TM2D1: variants seen among roughly 807,000 people sequenced by gnomAD.
The protein encoded by TM2D1 is TM2 domain containing 1, also known as TM2 domain-containing protein 1.
Under a neutral mutation model 28.4 loss-of-function variants are expected in TM2D1, and 15 were observed. The ratio of observed to expected loss-of-function variants is 0.53; its 90% confidence interval spans 0.35 to 0.81. The LOEUF (loss-of-function observed/expected upper bound fraction) is 0.81. TM2D1 is among the 40% of genes least tolerant of loss of function. The probability of loss-of-function intolerance (pLI) is 0.01; values close to 1 mark genes in which losing one functional copy is unlikely to be tolerated. For missense variants in TM2D1, 236 were observed against 254.9 expected (o/e 0.93, Z 0.50); for synonymous variants, 93 against 96.2 (o/e 0.97, Z 0.20).
chr1:61,684,504 A>C (rs1463586087), intron 5 of TM2D1, among the ~76,000 whole-genome samples: 1 of 152,220 alleles, frequency 6.6e-6, no homozygotes, highest in African/African-American at 2.4e-5. Flanking sequence ...CTGAAGTGCC[A>C]AACAAAGGGA....
intron 2 of TM2D1, among the ~76,000 whole-genome samples, chr1:61,717,499 G>C (rs1644530845): frequency 6.6e-6 from 1 of 152,168 alleles, no homozygotes; most frequent in Admixed American, 6.6e-5. Context: ...CAATGTCTAG[G>C]ATTTAGATAA....
At chr1:61,688,486 A>G (rs1644298969) in intron 5 of TM2D1, among the ~76,000 whole-genome samples, 1 of 152,160 alleles carries the variant, frequency 6.6e-6, no homozygotes, top group African/African-American at 2.4e-5. Context: ...GCACTTTGGG[A>G]GGCTGAGGCG....
chr1:61,683,206 C>T, intron 6 of TM2D1: 1 of 231,294 alleles, frequency 4.3e-6, no homozygotes, highest in Non-Finnish European at 8.3e-6. Flanking sequence ...TGTCCTTTAA[C>T]CATATGCACT....
At chr1:61,686,425 G>C (rs1362581332) in intron 5 of TM2D1, among the ~76,000 whole-genome samples, 1 of 152,172 alleles carries the variant, frequency 6.6e-6, no homozygotes, top group Non-Finnish European at 1.5e-5. Flanking sequence ...GGGAGGCCAA[G>C]GTGGGAGGAT....
intron 3 of TM2D1, 30 bp downstream of exon 3, chr1:61,709,299 T>A (rs6678289): frequency 1.1e-4 from 157 of 1,379,880 alleles, no homozygotes; most frequent in Non-Finnish European, 1.5e-4. Context: ...GCAAGTAATC[T>A]GAAAATTTAA....
At chr1:61,703,277 T>C (rs1265770604) in intron 3 of TM2D1, among the ~76,000 whole-genome samples, 1 of 146,852 alleles carries the variant, frequency 6.8e-6, no homozygotes, top group Non-Finnish European at 1.5e-5. Context: ...ATTTTATATA[T>C]TATATATGAA....
chr1:61,693,990 CA>C (rs1210056211), intron 5 of TM2D1, among the ~76,000 whole-genome samples: 11 of 152,294 alleles, frequency 7.2e-5, no homozygotes, highest in Admixed American at 2.0e-4. Flanking sequence ...CAGCATTTCA[CA>C]AACTATGCCC....
intron 3 of TM2D1, among the ~76,000 whole-genome samples, chr1:61,704,232 G>GT (rs1644425037): frequency 6.6e-6 from 1 of 151,908 alleles, no homozygotes; most frequent in Non-Finnish European, 1.5e-5. Context: ...AATATAAAAC[G>GT]TATCACCAAC....
intron 2 of TM2D1, among the ~76,000 whole-genome samples, chr1:61,719,857 C>A (rs1424615926): frequency 6.6e-6 from 1 of 152,020 alleles, no homozygotes; most frequent in East Asian, 1.9e-4. Context: ...GAAACTATCG[C>A]CAAATAAAAA....
intron 5 of TM2D1, among the ~76,000 whole-genome samples, chr1:61,691,921 T>TAAAAAAAA (rs1316880566): frequency 9.7e-5 from 6 of 62,056 alleles, no homozygotes; most frequent in African/African-American, 1.7e-4. Context: ...AAAAAAAACT[T>TAAAAAAAA]AAAAAAAAAA....
Position 61,716,460 on chromosome 1 carries a change from C to CGT in TM2D1, c.239-7024_239-7023insAC, listed in dbSNP as rs1557539315. On this transcript the variant is annotated intron_variant, in intron 2 of 6. Transcript: ENST00000606498. ...GTATAATTATATATAATTTTATATA[C>CGT]ATATATAATTATATATAATTTTATA... 1.6e-4 allele frequency among the ~76,000 whole-genome samples: 22 copies of CGT among 139,460 alleles called. No individual in the cohort carries two copies. The South Asian group carries it at 2.7e-3, about 17-fold the overall frequency. The allele number at this position is 139,460 out of a possible 152,430, so 91.5% of individuals were successfully genotyped here.
intron 2 of TM2D1, among the ~76,000 whole-genome samples, chr1:61,717,072 G>A (rs1459535108): frequency 6.6e-6 from 1 of 152,106 alleles, no homozygotes; most frequent in Non-Finnish European, 1.5e-5. Flanking sequence ...GTTATGGCCG[G>A]GTGCAGTGGC....
intron 5 of TM2D1, among the ~76,000 whole-genome samples, chr1:61,689,307 G>T (rs1644307121): frequency 6.6e-6 from 1 of 152,122 alleles, no homozygotes; most frequent in Non-Finnish European, 1.5e-5. Flanking sequence ...TTTTTTAAAA[G>T]ATAAAAATTA....
chr1:61,702,159 C>T (rs1455875735), intron 3 of TM2D1, among the ~76,000 whole-genome samples: 2 of 151,784 alleles, frequency 1.3e-5, no homozygotes, highest in African/African-American at 4.8e-5. Flanking sequence ...CACTGCACTC[C>T]AGCCTGGGTG....
At chr1:61,707,759 C>T (rs942172434) in intron 3 of TM2D1, among the ~76,000 whole-genome samples, 6 of 152,254 alleles carry the variant, frequency 3.9e-5, no homozygotes, top group Non-Finnish European at 7.4e-5. Flanking sequence ...AAAGAAAGAA[C>T]GCTAAGAGTT....
At chr1:61,714,875 T>C (rs1644505396) in intron 2 of TM2D1, among the ~76,000 whole-genome samples, 1 of 152,308 alleles carries the variant, frequency 6.6e-6, no homozygotes, top group Non-Finnish European at 1.5e-5. Flanking sequence ...ATAGTACCAA[T>C]TGTCCAAAAT....
At chr1:61,709,038 A>G (rs1380086723) in intron 3 of TM2D1, among the ~76,000 whole-genome samples, 2 of 152,032 alleles carry the variant, frequency 1.3e-5, no homozygotes, top group East Asian at 3.9e-4. Flanking sequence ...TGGTGGCACA[A>G]ACCTGTACTC....
intron 1 of TM2D1, 164 bp downstream of exon 1, chr1:61,724,793 C>G: frequency 1.3e-6 from 1 of 751,016 alleles, no homozygotes; most frequent in Non-Finnish European, 1.9e-6. Flanking sequence ...GCCCTCCCAT[C>G]TCCACAACTC....
At chr1:61,690,456 C>CAAAAAAAAAAAAAAAA (rs762550068) in intron 5 of TM2D1, among the ~76,000 whole-genome samples, 1 of 60,048 alleles carries the variant, frequency 1.7e-5, no homozygotes, top group African/African-American at 6.4e-5. Context: ...GACTCAGTCT[C>CAAAAAAAAAAAAAAAA]AAAAAAAAAA....
Sources: allele counts gnomAD v4.1 joint callset (sites outside exome capture counted in the v4.1 genomes callset), GRCh38; gene constraint gnomAD v4.1.1; transcripts MANE v1.5; gene names NCBI Gene and HGNC (gene_info 2026-07-23, HGNC 2026-07-21).